Variants in SHPK observed in about 807,000 individuals in gnomAD.
SHPK encodes carbohydrate kinase-like protein.
A neutral mutation model predicts 46.3 loss-of-function variants in SHPK; 51 were observed. That is an observed-to-expected ratio of 1.10 (90% CI 0.88 to 1.39). The LOEUF (loss-of-function observed/expected upper bound fraction) is 1.39, where lower values mean the gene tolerates loss of function less well. Ranked by LOEUF, SHPK falls within the 40% of genes most tolerant of loss-of-function variation. SHPK has a pLI of 0.00. For missense variants in SHPK, 668 were observed against 641.3 expected (o/e 1.04, Z -0.45); for synonymous variants, 290 against 273.9 (o/e 1.06, Z -0.58).
In SHPK at chr17:3,636,198, G is replaced by C; in HGVS notation, c.22C>G (p.Leu8Val). 1 of 1,606,562 alleles carries C rather than the reference G, an allele frequency of 6.2e-7. No homozygotes were observed. Among genetic ancestry groups the C allele is most frequent in the Non-Finnish European group, 8.5e-7 (1 of 1,175,158 alleles). The change falls in exon 1 of 7, where the codon CTC becomes GTC. Residue 8 changes from leucine (L) to valine (V), a missense_variant. Transcript: ENST00000225519. ...GATGTGGTGCCCAGGTCAATGCCGA[G>C]GGTGATCGGCCGCGCAGCCATTATC... MAARPIT[L>V]GIDLGTTSVK...
Position 3,615,162 on chromosome 17 carries a change from G to A in SHPK, c.1024+175C>T, listed in dbSNP as rs372221691. Among the ~76,000 whole-genome samples, 127 of 152,248 alleles carry A rather than the reference G, an allele frequency of 8.3e-4. 4 individuals are homozygous for A. The South Asian group carries it at 0.025, about 30-fold the overall frequency. On this transcript the variant is annotated intron_variant, in intron 6 of 6. Coordinates refer to ENST00000225519, the MANE Select transcript of SHPK (RefSeq NM_013276.4). ...GTGATGGCAGCTTGGAGGACAAGAA[G>A]AAAAGAGGCTGCAAGCTCAGATCCC...
chr17:3,621,330 A>G lies in SHPK; in HGVS notation c.730T>C (p.Trp244Arg), dbSNP rs1309832694. 4 of 1,614,064 alleles carry G rather than the reference A, an allele frequency of 2.5e-6. No homozygotes were observed. Among genetic ancestry groups the G allele is most frequent in the Non-Finnish European group, 3.4e-6 (4 of 1,179,988 alleles). ...GSVAGRTSHM[W>R]FEIPKGTQVG... ...TGCGTCCCCTTTGGGATTTCAAACC[A>G]CATGTGGGAAGTTCTGCCCGCCACA... The change falls in exon 5 of 7, where the codon TGG (tryptophan) becomes CGG (arginine). Residue 244 changes from tryptophan to arginine, a missense_variant. By Grantham distance (101) the Trp-to-Arg change is moderately radical. Coordinates refer to ENST00000225519, the MANE Select transcript of SHPK (RefSeq NM_013276.4).
At chr17:3,622,267 A>G (rs1193390310) in intron 4 of SHPK, among the ~76,000 whole-genome samples, 3 of 152,214 alleles carry the variant, frequency 2.0e-5, no homozygotes, top group Non-Finnish European at 4.4e-5. Flanking sequence ...GGCTTTGTCA[A>G]TAGAGTACAC....
At chr17:3,625,451 GACT>G (rs2075428199) in intron 2 of SHPK, among the ~76,000 whole-genome samples, 1 of 152,110 alleles carries the variant, frequency 6.6e-6, no homozygotes, top group Admixed American at 6.5e-5. Flanking sequence ...TAAGAAGTGC[GACT>G]ACGCCGAGGC....
chr17:3,614,246 C>T (rs565908089), intron 6 of SHPK, among the ~76,000 whole-genome samples: 6 of 152,270 alleles, frequency 3.9e-5, no homozygotes, highest in Admixed American at 3.3e-4. Flanking sequence ...TACATCAGGG[C>T]GAGCGCAGTG....
chr17:3,621,778 T>TA (rs1457102735), intron 4 of SHPK, among the ~76,000 whole-genome samples: 1 of 149,792 alleles, frequency 6.7e-6, no homozygotes, highest in Non-Finnish European at 1.5e-5. Context: ...TCAGCCTCCC[T>TA]AATAGCTGGG....
chr17:3,635,904 G>A, intron 1 of SHPK, 148 bp downstream of exon 1: 2 of 783,164 alleles, frequency 2.6e-6, no homozygotes, highest in Non-Finnish European at 3.9e-6. Flanking sequence ...GAGCACAGCT[G>A]CTGCAGGCAG....
chr17:3,627,516 A>C (rs375601959), intron 2 of SHPK, among the ~76,000 whole-genome samples: 1 of 152,214 alleles, frequency 6.6e-6, no homozygotes, highest in African/African-American at 2.4e-5. Flanking sequence ...AGGAAAACCA[A>C]AGTGAATTAA....
In SHPK at chr17:3,636,039, G is replaced by C. The variant is rs775711587; in HGVS notation, c.168+13C>G. On this transcript the variant is annotated intron_variant, in intron 1 of 6. Transcript: ENST00000225519. ...GCTCCTGGAGGCGGCGCGGCCCCGG[G>C]GGTCCAACTCACCTGGGGCCCGGCC... is the stretch of plus-strand genomic sequence containing the variant. 33 of 1,537,002 alleles carry C rather than the reference G, an allele frequency of 2.1e-5. No individual in the cohort carries two copies. In the East Asian group the frequency reaches 4.7e-4, roughly 22 times the overall value.
intron 3 of SHPK, 142 bp from the exon 4 acceptor site, chr17:3,623,633 T>A (rs779176770): frequency 2.0e-5 from 16 of 820,282 alleles, no homozygotes; most frequent in Non-Finnish European, 3.2e-5. Flanking sequence ...CAAGTCCAGC[T>A]GGGTCCCTGG....
intron 6 of SHPK, among the ~76,000 whole-genome samples, chr17:3,612,516 A>G (rs1053848692): frequency 6.6e-6 from 1 of 152,180 alleles, no homozygotes; most frequent in East Asian, 1.9e-4. Context: ...AGGGAAAGCA[A>G]ACATCACCTT....
rs767440160 is a variant in SHPK at position 3,624,560 on chromosome 17, C to T, written c.311-329G>A. ...TCCCCTGGTCTCTGTCCCTCCAACC[C>T]TCATCATGACATTATCTAGGCTTAC... On this transcript the variant is annotated intron_variant, in intron 2 of 6. Coordinates refer to ENST00000225519, the MANE Select transcript of SHPK (RefSeq NM_013276.4). Among the ~76,000 whole-genome samples the T allele has an allele frequency of 5.5e-4, 83 of 152,288 alleles. 1 individual carries two copies. The highest frequency in any genetic ancestry group is 3.4e-3 in the Middle Eastern group (1 of 294).
chr17:3,635,008 C>T lies in SHPK; in HGVS notation c.168+1044G>A, dbSNP rs2075500464. Among the ~76,000 whole-genome samples the T allele has an allele frequency of 2.6e-5, 4 of 151,460 alleles. No homozygotes were observed. The South Asian group carries it at 8.3e-4, about 32-fold the overall frequency. ...CGAACATGGCGAAACCCTGTCTCTACTAAAAATACAAAAAGTAGCCGGGCG... is the reference window on the plus strand; with the variant it reads ...CGAACATGGCGAAACCCTGTCTCTATTAAAAATACAAAAAGTAGCCGGGCG... On this transcript the variant is annotated intron_variant, in intron 1 of 6. Coordinates refer to ENST00000225519, the MANE Select transcript of SHPK (RefSeq NM_013276.4).
In SHPK at chr17:3,610,818, G is replaced by C. The variant is rs139688635; in HGVS notation, c.1179C>G (p.Leu393=). The change falls in exon 7 of 7, where the codon CTC becomes CTG. Residue 393 remains leucine (L), a synonymous_variant. Coordinates refer to ENST00000225519, the MANE Select transcript of SHPK (RefSeq NM_013276.4). ...GAGCCCGGGTCACGTGCCCCAGGGA[G>C]AGGTCGGAGGAGGAGATTCTGGTCA... ...ASVTRISSSD[L]SLGHVTRALC... 96 of 1,614,070 alleles carry C rather than the reference G, an allele frequency of 5.9e-5. No homozygotes were observed. The highest frequency in any genetic ancestry group is 7.0e-5 in the Non-Finnish European group (83 of 1,180,032).
At chr17:3,611,010 T>A in intron 6 of SHPK, 38 bp from the exon 7 acceptor site, 2 of 1,550,090 alleles carry the variant, frequency 1.3e-6, no homozygotes, top group Non-Finnish European at 1.8e-6. Context: ...AGCTCATGCG[T>A]CCCCCTCAGT....
intron 1 of SHPK, among the ~76,000 whole-genome samples, chr17:3,632,117 C>T (rs944467970): frequency 2.7e-5 from 4 of 150,940 alleles, no homozygotes; most frequent in Admixed American, 6.6e-5. Context: ...CCACCACACC[C>T]GGCTAATTTT....
chr17:3,632,117 C>G (rs944467970), intron 1 of SHPK, among the ~76,000 whole-genome samples: 1 of 151,066 alleles, frequency 6.6e-6, no homozygotes, highest in Admixed American at 6.6e-5. Context: ...CCACCACACC[C>G]GGCTAATTTT....
chr17:3,611,728 A>C (rs895810164), intron 6 of SHPK, among the ~76,000 whole-genome samples: 1 of 151,956 alleles, frequency 6.6e-6, no homozygotes, highest in Non-Finnish European at 1.5e-5. Flanking sequence ...ACCATCCTAC[A>C]ACTTGCTTTT....
At chr17:3,625,424 G>GTA (rs2075427749) in intron 2 of SHPK, among the ~76,000 whole-genome samples, 1 of 152,156 alleles carries the variant, frequency 6.6e-6, no homozygotes, top group South Asian at 2.1e-4. Flanking sequence ...GTCTCTCTGG[G>GTA]GGAATCAGCC....
Sources: allele counts gnomAD v4.1 joint callset (sites outside exome capture counted in the v4.1 genomes callset), GRCh38; gene constraint gnomAD v4.1.1; transcripts MANE v1.5; gene names NCBI Gene and HGNC (gene_info 2026-07-23, HGNC 2026-07-21).